OR13C8: variants seen among roughly 807,000 people sequenced by gnomAD.
The protein encoded by OR13C8 is olfactory receptor family 13 subfamily C member 8, also known as olfactory receptor 13C8.
For synonymous variants in OR13C8, 149 were observed against 143.6 expected (o/e 1.04, Z -0.27); for missense variants, 382 against 388.1 (o/e 0.98, Z 0.13).
In OR13C8 at chr9:104,569,989, C is replaced by T; in HGVS notation, c.822C>T (p.Asp274=). The T allele has an allele frequency of 6.2e-7, 1 of 1,614,154 alleles. No individual in the cohort carries two copies. The highest frequency in any genetic ancestry group is 2.2e-5 in the East Asian group (1 of 44,880). The part of the protein sequence containing the change: ...SKASVDSGNE[D]IIEALISLFY... The stretch of plus-strand genomic sequence containing the variant: ...CCTCTGTTGATTCAGGTAATGAAGA[C>T]ATCATTGAGGCCCTCATCTCCCTTT... The change falls in exon 1 of 1, where the codon GAC becomes GAT. Residue 274 remains aspartate (D), a synonymous_variant. Coordinates refer to ENST00000335040, the MANE Select transcript of OR13C8 (RefSeq NM_001004483.1).
At position 104,569,189 on chromosome 9, in the gene OR13C8, A is replaced by C. The variant is rs201377165; in HGVS notation, c.22A>C (p.Thr8Pro). Residue 8 changes from threonine to proline, a missense_variant, in exon 1 of 1, where the codon ACG becomes CCG. By Grantham distance (38) the Thr-to-Pro change is conservative. Coordinates refer to ENST00000335040, the MANE Select transcript of OR13C8 (RefSeq NM_001004483.1). ...TAATATGGAAAGGACCAACGATTCC[A>C]CGTCGACAGAATTTTTCCTGGTAGG... is the stretch of plus-strand genomic sequence containing the variant. MERTNDS[T>P]STEFFLVGLS... The C allele has an allele frequency of 1.2e-6, 2 of 1,613,412 alleles. No homozygotes were observed. Among genetic ancestry groups the C allele is most frequent in the African/African-American group, 2.7e-5 (2 of 74,868 alleles).
In OR13C8 at chr9:104,569,895, C is replaced by G; in HGVS notation, c.728C>G (p.Ala243Gly). The G allele has an allele frequency of 6.2e-7, 1 of 1,614,182 alleles. No homozygotes were observed. Among genetic ancestry groups the G allele is most frequent in the Non-Finnish European group, 8.5e-7 (1 of 1,180,026 alleles). ...CATAAGGCCTTCTCCACCTGCTCAG[C>G]CCACCTGACAGTGGTGATTATATTC... ...GKHKAFSTCS[A>G]HLTVVIIFYG... The change falls in exon 1 of 1, where the codon GCC (alanine) becomes GGC (glycine). Residue 243 changes from alanine to glycine, a missense_variant. Coordinates refer to ENST00000335040, the MANE Select transcript of OR13C8 (RefSeq NM_001004483.1).
rs137950112 is a variant in OR13C8 at position 104,570,129 on chromosome 9, G to A, written c.962G>A (p.Ter321=). The change falls in exon 1 of 1, where the codon TGA becomes TAA. Residue 321 remains the stop codon, a stop_retained_variant. Transcript: ENST00000335040. ...LCRKNFSDGK[*] is the part of the protein sequence containing the mutation. ...AGGAAAAACTTTTCTGATGGAAAAT[G>A]AATACTGATTTATACTACATGACTT... The A allele has an allele frequency of 3.3e-4, 518 of 1,590,632 alleles. No individual in the cohort carries two copies. Among genetic ancestry groups the A allele is most frequent in the Non-Finnish European group, 4.0e-4 (472 of 1,165,864 alleles).
chr9:104,569,991 T>C lies in OR13C8; in HGVS notation c.824T>C (p.Ile275Thr). The change falls in exon 1 of 1, where the codon ATC (isoleucine) becomes ACC (threonine). Residue 275 changes from isoleucine (I) to threonine (T), a missense_variant. Coordinates refer to ENST00000335040, the MANE Select transcript of OR13C8 (RefSeq NM_001004483.1). ...TCTGTTGATTCAGGTAATGAAGACA[T>C]CATTGAGGCCCTCATCTCCCTTTTC... ...KASVDSGNEDIIEALISLFYG... is the reference protein window; with the variant it reads ...KASVDSGNEDTIEALISLFYG... The C allele has an allele frequency of 6.2e-7, 1 of 1,614,196 alleles. No individual in the cohort carries two copies. Among genetic ancestry groups the C allele is most frequent in the Admixed American group, 1.7e-5 (1 of 60,028 alleles).
rs1186067511 is a variant in OR13C8, at chr9:104,570,084, C to T, written c.917C>T (p.Ala306Val). ...CTGCGAAACAAGGATGTAAAGGCTGCTGTCAAAAACATACTGTGTAGGAAA... is the reference window on the plus strand; with the variant it reads ...CTGCGAAACAAGGATGTAAAGGCTGTTGTCAAAAACATACTGTGTAGGAAA... ...YSLRNKDVKA[A>V]VKNILCRKNF... The change falls in exon 1 of 1, where the codon GCT becomes GTT. Residue 306 changes from alanine to valine, a missense_variant. Coordinates refer to ENST00000335040, the MANE Select transcript of OR13C8 (RefSeq NM_001004483.1). 6.2e-7 allele frequency: 1 copy of T among 1,610,120 alleles called. No individual in the cohort carries two copies. The highest frequency in any genetic ancestry group is 1.3e-5 in the African/African-American group (1 of 74,768).
In OR13C8 at chr9:104,569,230, A is replaced by C. The variant is rs1829148731; in HGVS notation, c.63A>C (p.Pro21=). ...EFFLVGLSAH[P]KLQTVFFVLI... is the part of the protein sequence containing the mutation. The stretch of plus-strand genomic sequence containing the variant: ...TCCTGGTAGGGCTTTCTGCCCACCC[A>C]AAGCTCCAGACAGTTTTCTTCGTTC... Residue 21 remains proline, a synonymous_variant, in exon 1 of 1, where the codon CCA becomes CCC. Coordinates refer to ENST00000335040, the MANE Select transcript of OR13C8 (RefSeq NM_001004483.1). The C allele has an allele frequency of 6.8e-6, 11 of 1,614,006 alleles. No individual in the cohort carries two copies. The highest frequency in any genetic ancestry group is 9.3e-6 in the Non-Finnish European group (11 of 1,179,990).
rs1390604588 is a variant in OR13C8, at chr9:104,569,338, C to A, written c.171C>A (p.Thr57=). 1.2e-6 allele frequency: 2 copies of A among 1,614,036 alleles called. No homozygotes were observed. Among genetic ancestry groups the A allele is most frequent in the Non-Finnish European group, 8.5e-7 (1 of 1,179,924 alleles). ...SVIIFDSHLH[T]PMYFFLCNLS... is the part of the protein sequence containing the mutation. ...TCATCTTTGATTCTCACCTGCACAC[C>A]CCCATGTATTTCTTCCTCTGTAATC... is the stretch of plus-strand genomic sequence containing the variant. Residue 57 remains threonine, a synonymous_variant, in exon 1 of 1, where the codon ACC becomes ACA. Coordinates refer to ENST00000335040, the MANE Select transcript of OR13C8 (RefSeq NM_001004483.1).
In OR13C8 at chr9:104,569,440, G is replaced by A. The variant is rs1195610934; in HGVS notation, c.273G>A (p.Lys91=). The part of the protein sequence containing the change: ...ILASFLAVKK[K]VSFSGCMVQM... Reference sequence around the variant, plus strand: ...CCAGCTTTCTGGCAGTAAAGAAAAAGGTTTCCTTCTCTGGGTGTATGGTGC... The same window carrying A: ...CCAGCTTTCTGGCAGTAAAGAAAAAAGTTTCCTTCTCTGGGTGTATGGTGC... The change falls in exon 1 of 1, where the codon AAG becomes AAA. Residue 91 remains lysine, a synonymous_variant. Transcript: ENST00000335040. 6.2e-7 allele frequency: 1 copy of A among 1,614,196 alleles called. No homozygotes were observed. Among genetic ancestry groups the A allele is most frequent in the Non-Finnish European group, 8.5e-7 (1 of 1,180,040 alleles).
chr9:104,569,944 C>T lies in OR13C8; in HGVS notation c.777C>T (p.Tyr259=), dbSNP rs753314500. 8.1e-6 allele frequency: 13 copies of T among 1,614,158 alleles called. No individual in the cohort carries two copies. The highest frequency in any genetic ancestry group is 6.7e-5 in the Admixed American group (4 of 60,024). The change falls in exon 1 of 1, where the codon TAC becomes TAT. Residue 259 remains tyrosine, a synonymous_variant. Transcript: ENST00000335040. ...TCTATGGAACCATCTTCTTCATGTA[C>T]GCAAAGCCTGAGTCTAAAGCCTCTG... ...IIFYGTIFFM[Y]AKPESKASVD...
Position 104,570,063 on chromosome 9 carries a change from G to C in OR13C8, c.896G>C (p.Arg299Pro), listed in dbSNP as rs148995087. ...CTTAATCCTCTCATCTATAGTCTGC[G>C]AAACAAGGATGTAAAGGCTGCTGTC... ...PMLNPLIYSL[R>P]NKDVKAAVKN... The change falls in exon 1 of 1, where the codon CGA becomes CCA. Residue 299 changes from arginine (R) to proline (P), a missense_variant. Transcript: ENST00000335040. 2.5e-6 allele frequency: 4 copies of C among 1,613,272 alleles called. No individual in the cohort carries two copies. The highest frequency in any genetic ancestry group is 3.4e-6 in the Non-Finnish European group (4 of 1,179,544).
chr9:104,569,735 G>A lies in OR13C8; in HGVS notation c.568G>A (p.Ala190Thr), dbSNP rs1247945626. Residue 190 changes from alanine to threonine, a missense_variant, in exon 1 of 1, where the codon GCT (alanine) becomes ACT (threonine). Transcript: ENST00000335040. The part of the protein sequence containing the change: ...EILAILKLAC[A>T]DISINVISMT... ...TCTGGCTATCTTGAAACTGGCCTGT[G>A]CTGATATTTCAATCAATGTGATTAG... 6.2e-7 allele frequency: 1 copy of A among 1,614,148 alleles called. No individual in the cohort carries two copies. The highest frequency in any genetic ancestry group is 1.7e-5 in the Admixed American group (1 of 60,028).
rs1829148109 is a variant in OR13C8, at chr9:104,569,200, A to G, written c.33A>G (p.Glu11=). The change falls in exon 1 of 1, where the codon GAA becomes GAG. Residue 11 remains glutamate (E), a synonymous_variant. Coordinates refer to ENST00000335040, the MANE Select transcript of OR13C8 (RefSeq NM_001004483.1). ...GGACCAACGATTCCACGTCGACAGAATTTTTCCTGGTAGGGCTTTCTGCCC... is the reference window on the plus strand; with the variant it reads ...GGACCAACGATTCCACGTCGACAGAGTTTTTCCTGGTAGGGCTTTCTGCCC... MERTNDSTST[E]FFLVGLSAHP... is the part of the protein sequence containing the mutation. The G allele has an allele frequency of 6.2e-7, 1 of 1,613,750 alleles. No individual in the cohort carries two copies. The highest frequency in any genetic ancestry group is 2.2e-5 in the East Asian group (1 of 44,872).
rs1364852614 is a variant in OR13C8 at position 104,569,675 on chromosome 9, G to A, written c.508G>A (p.Ala170Thr). 1.2e-6 allele frequency: 2 copies of A among 1,614,094 alleles called. No homozygotes were observed. Among genetic ancestry groups the A allele is most frequent in the African/African-American group, 1.3e-5 (1 of 75,036 alleles). ...TTTTGCAATGCAGTTACCATTCTGT[G>A]CTAATAATGTCATTAAACATTTTGT... ...TAFAMQLPFCANNVIKHFVCE... is the reference protein window; with the variant it reads ...TAFAMQLPFCTNNVIKHFVCE... The change falls in exon 1 of 1, where the codon GCT becomes ACT. Residue 170 changes from alanine to threonine, a missense_variant. Coordinates refer to ENST00000335040, the MANE Select transcript of OR13C8 (RefSeq NM_001004483.1).
rs78625620 is a variant in OR13C8, at chr9:104,569,608, G to T, written c.441G>T (p.Gly147=). 386 of 1,614,088 alleles carry T rather than the reference G, an allele frequency of 2.4e-4. No homozygotes were observed. Among genetic ancestry groups the T allele is most frequent in the Admixed American group, 1.6e-3 (99 of 60,018 alleles). ...SKGAYVAMAA[G]SWVTGLVDSV... is the part of the protein sequence containing the mutation. Reference sequence around the variant, plus strand: ...GTGCCTATGTGGCCATGGCAGCTGGGTCCTGGGTCACTGGGCTTGTGGACT... The same window carrying T: ...GTGCCTATGTGGCCATGGCAGCTGGTTCCTGGGTCACTGGGCTTGTGGACT... The change falls in exon 1 of 1, where the codon GGG becomes GGT. Residue 147 remains glycine, a synonymous_variant. Transcript: ENST00000335040.
Position 104,569,895 on chromosome 9 carries a change from C to T in OR13C8, c.728C>T (p.Ala243Val). The change falls in exon 1 of 1, where the codon GCC becomes GTC. Residue 243 changes from alanine to valine, a missense_variant. Transcript: ENST00000335040. ...CATAAGGCCTTCTCCACCTGCTCAG[C>T]CCACCTGACAGTGGTGATTATATTC... ...GKHKAFSTCS[A>V]HLTVVIIFYG... is the part of the protein sequence containing the mutation. 4 of 1,614,182 alleles carry T rather than the reference C, an allele frequency of 2.5e-6. No individual in the cohort carries two copies. The highest frequency in any genetic ancestry group is 3.4e-6 in the Non-Finnish European group (4 of 1,180,026).
rs1019534715 is a variant in OR13C8, at chr9:104,569,755, G to A, written c.588G>A (p.Val196=). 12 of 1,614,072 alleles carry A rather than the reference G, an allele frequency of 7.4e-6. No individual in the cohort carries two copies. Among genetic ancestry groups the A allele is most frequent in the East Asian group, 2.2e-5 (1 of 44,898 alleles). ...CCTGTGCTGATATTTCAATCAATGT[G>A]ATTAGTATGACAGGGTCGAATCTGA... ...KLACADISIN[V]ISMTGSNLIV... is the part of the protein sequence containing the mutation. Residue 196 remains valine, a synonymous_variant, in exon 1 of 1, where the codon GTG becomes GTA. Transcript: ENST00000335040.
rs200174045 is a variant in OR13C8, at chr9:104,569,798, T to C, written c.631T>C (p.Leu211=). 17 of 1,614,176 alleles carry C rather than the reference T, an allele frequency of 1.1e-5. No homozygotes were observed. In the East Asian group the frequency reaches 2.2e-4, roughly 21 times the overall value. ...GSNLIVLVIP[L]LVISISYIFI... is the part of the protein sequence containing the mutation. The stretch of plus-strand genomic sequence containing the variant: ...GAATCTGATTGTTCTGGTTATTCCA[T>C]TGTTAGTAATTTCCATCTCTTACAT... Residue 211 remains leucine, a synonymous_variant, in exon 1 of 1, where the codon TTG becomes CTG. Coordinates refer to ENST00000335040, the MANE Select transcript of OR13C8 (RefSeq NM_001004483.1).
chr9:104,569,851 T>G lies in OR13C8; in HGVS notation c.684T>G (p.Ile228Met). 6.2e-7 allele frequency: 1 copy of G among 1,614,176 alleles called. No individual in the cohort carries two copies. Among genetic ancestry groups the G allele is most frequent in the Non-Finnish European group, 8.5e-7 (1 of 1,180,020 alleles). ...YIFIVATILR[I>M]PSTEGKHKAF... is the part of the protein sequence containing the mutation. The stretch of plus-strand genomic sequence containing the variant: ...TTATTGTTGCCACTATTCTGAGGAT[T>G]CCTTCCACTGAAGGAAAACATAAGG... Residue 228 changes from isoleucine (I) to methionine (M), a missense_variant, in exon 1 of 1, where the codon ATT (isoleucine) becomes ATG (methionine). Transcript: ENST00000335040.
chr9:104,569,185 T>C lies in OR13C8; in HGVS notation c.18T>C (p.Asp6=). Reference sequence around the variant, plus strand: ...TATGTAATATGGAAAGGACCAACGATTCCACGTCGACAGAATTTTTCCTGG... The same window carrying C: ...TATGTAATATGGAAAGGACCAACGACTCCACGTCGACAGAATTTTTCCTGG... MERTN[D]STSTEFFLVG... is the part of the protein sequence containing the mutation. The change falls in exon 1 of 1, where the codon GAT becomes GAC. Residue 6 remains aspartate, a synonymous_variant. Transcript: ENST00000335040. The C allele has an allele frequency of 6.2e-7, 1 of 1,613,094 alleles. No individual in the cohort carries two copies. The highest frequency in any genetic ancestry group is 1.7e-4 in the Middle Eastern group (1 of 6,056).
Sources: gnomAD v4.1 joint callset for allele counts on GRCh38, gnomAD v4.1.1 for gene constraint, MANE v1.5 for transcripts, NCBI Gene and HGNC (gene_info 2026-07-23, HGNC 2026-07-21) for gene names.